Variants in NCSTN observed in about 807,000 individuals in gnomAD.
The protein encoded by NCSTN is nicastrin.
NCSTN carries 22 observed loss-of-function variants against 87.0 expected under a neutral mutation model. That is an observed-to-expected ratio of 0.25 (90% CI 0.18 to 0.36). NCSTN has a LOEUF of 0.36. NCSTN is among the 10% of genes least tolerant of loss of function. The probability of loss-of-function intolerance (pLI) is 1.00; values close to 1 mark genes in which losing one functional copy is unlikely to be tolerated. For missense variants in NCSTN, 693 were observed against 883.3 expected (o/e 0.78, Z 2.73); for synonymous variants, 306 against 327.1 (o/e 0.94, Z 0.69).
chr1:160,350,959 T>C (rs1002861542), intron 5 of NCSTN, among the ~76,000 whole-genome samples: 5 of 152,034 alleles, frequency 3.3e-5, no homozygotes, highest in Admixed American at 6.5e-5. Flanking sequence ...AAGCTTCAAA[T>C]TGGGCCAGGC....
intron 2 of NCSTN, chr1:160,345,172 G>A: frequency 2.7e-6 from 1 of 369,864 alleles, no homozygotes; most frequent in Non-Finnish European, 5.1e-6. Flanking sequence ...GCCAGGATCT[G>A]GTGGCCCGAG....
intron 4 of NCSTN, 54 bp from the exon 5 acceptor site, chr1:160,350,051 T>G: frequency 1.3e-6 from 2 of 1,591,794 alleles, no homozygotes; most frequent in Non-Finnish European, 1.7e-6. Context: ...ACCTGGTTCC[T>G]AAGTACTTGG....
At position 160,353,172 on chromosome 1, in the gene NCSTN, A is replaced by C; in HGVS notation, c.1114A>C (p.Thr372Pro). The stretch of plus-strand genomic sequence containing the variant: ...ATCCTCCCCCCAGGTGGCCTTAAGA[A>C]CTTCATTAGAGCTTTGGATGCACAC... ...FVELGQVALR[T>P]SLELWMHTDP... The change falls in exon 10 of 17, where the codon ACT becomes CCT. Residue 372 changes from threonine (T) to proline (P), a missense_variant. Physicochemically the swap from Thr to Pro is conservative, Grantham distance 38 (BLOSUM62 -1). This residue lies in a region of NCSTN where 108 missense variants were observed against 111.6 expected (regional missense o/e 0.97). Coordinates refer to ENST00000294785, the MANE Select transcript of NCSTN (RefSeq NM_015331.3). 1 of 1,614,078 alleles carries C rather than the reference A, an allele frequency of 6.2e-7. No homozygotes were observed. The highest frequency in any genetic ancestry group is 1.1e-5 in the South Asian group (1 of 91,078).
Position 160,351,310 on chromosome 1 carries a change from T to C in NCSTN, c.671T>C (p.Val224Ala). 6.2e-7 allele frequency: 1 copy of C among 1,614,190 alleles called. No homozygotes were observed. Among genetic ancestry groups the C allele is most frequent in the Non-Finnish European group, 8.5e-7 (1 of 1,180,020 alleles). Residue 224 changes from valine (V) to alanine (A), a missense_variant, in exon 6 of 17, where the codon GTC becomes GCC. Coordinates refer to ENST00000294785, the MANE Select transcript of NCSTN (RefSeq NM_015331.3). Reference sequence around the variant, plus strand: ...CAGCTCTTTTCACACATGCATGCTGTCATCAGCACTGCCACCTGCATGCGG... The same window carrying C: ...CAGCTCTTTTCACACATGCATGCTGCCATCAGCACTGCCACCTGCATGCGG... Reference protein sequence around the residue: ...AMQLFSHMHAVISTATCMRRS... With the variant: ...AMQLFSHMHAAISTATCMRRS...
In NCSTN at chr1:160,353,151, TC is replaced by T. The variant is rs759557582; in HGVS notation, c.1102-3del. On this transcript the variant is annotated splice_polypyrimidine_tract_variant and splice_region_variant and intron_variant, in intron 9 of 16. Transcript: ENST00000294785. ...GATTCTAAGTGTTGTTTCTTCATCC[TC>T]CCCCCAGGTGGCCTTAAGAACTTCA... 5 of 1,613,396 alleles carry T rather than the reference TC, an allele frequency of 3.1e-6. No homozygotes were observed. Among genetic ancestry groups the T allele is most frequent in the Non-Finnish European group, 4.2e-6 (5 of 1,179,532 alleles).
chr1:160,349,044 A>T lies in NCSTN; in HGVS notation c.236A>T (p.Glu79Val), dbSNP rs1401297547. ...DTGVIHVVEK[E>V]EDLQWVLTDG... ...GGGGTTATCCACGTAGTAGAGAAAGAGGAGGACCTACAGTGGGTATTGACT... is the reference window on the plus strand; with the variant it reads ...GGGGTTATCCACGTAGTAGAGAAAGTGGAGGACCTACAGTGGGTATTGACT... Residue 79 changes from glutamate (E) to valine (V), a missense_variant, in exon 3 of 17, where the codon GAG becomes GTG. By Grantham distance (121) the Glu-to-Val change is moderately radical. Transcript: ENST00000294785. 1 of 1,614,214 alleles carries T rather than the reference A, an allele frequency of 6.2e-7. No homozygotes were observed. Among genetic ancestry groups the T allele is most frequent in the South Asian group, 1.1e-5 (1 of 91,090 alleles).
intron 11 of NCSTN, among the ~76,000 whole-genome samples, chr1:160,354,812 G>A (rs1282264561): frequency 6.6e-6 from 1 of 151,998 alleles, no homozygotes; most frequent in Non-Finnish European, 1.5e-5. Context: ...GGTAACTCTG[G>A]GTTACCCTTT....
intron 1 of NCSTN, chr1:160,344,467 C>T (rs1648331457): frequency 1.3e-6 from 2 of 1,482,250 alleles, no homozygotes; most frequent in Non-Finnish European, 1.8e-6. Flanking sequence ...CAAGTTTTCT[C>T]TCTTTTAGTG....
intron 4 of NCSTN, 48 bp downstream of exon 4, chr1:160,349,718 C>T (rs746763724): frequency 1.9e-6 from 3 of 1,609,508 alleles, no homozygotes; most frequent in African/African-American, 2.7e-5. Flanking sequence ...CTAAGGCTCA[C>T]TGTTGCTTCG....
At chr1:160,347,517 A>G (rs1446396484) in intron 2 of NCSTN, among the ~76,000 whole-genome samples, 1 of 152,202 alleles carries the variant, frequency 6.6e-6, no homozygotes, top group African/African-American at 2.4e-5. Context: ...ACTTAAGACT[A>G]CACCATTACT....
In NCSTN at chr1:160,358,204, A is replaced by G. The variant is rs1212972823; in HGVS notation, c.2063A>G (p.Tyr688Cys). The G allele has an allele frequency of 6.2e-7, 1 of 1,613,780 alleles. No individual in the cohort carries two copies. The change falls in exon 17 of 17, where the codon TAC becomes TGC. Residue 688 changes from tyrosine (Y) to cysteine (C), a missense_variant. By Grantham distance (194) the Tyr-to-Cys change is radical. Transcript: ENST00000294785. ...CTCATCTTCTCCCTCATCGTCACCTACTGCATCAATGCCAAAGCTGATGTC... is the reference window on the plus strand; with the variant it reads ...CTCATCTTCTCCCTCATCGTCACCTGCTGCATCAATGCCAAAGCTGATGTC... The part of the protein sequence containing the change: ...GILIFSLIVT[Y>C]CINAKADVLF...
rs1403151007 is a variant in NCSTN, at chr1:160,351,597, T to TA, written c.734-98dup. The TA allele has an allele frequency of 3.1e-6, 4 of 1,305,826 alleles. No individual in the cohort carries two copies. In the East Asian group the frequency reaches 6.9e-5, roughly 23 times the overall value. The allele number at this position is 1,305,826 out of a possible 1,614,324, so 80.9% of individuals were successfully genotyped here. On this transcript the variant is annotated intron_variant, in intron 6 of 16. Coordinates refer to ENST00000294785, the MANE Select transcript of NCSTN (RefSeq NM_015331.3). ...ACTGTTGGAAGTAGAGAAAACGACT[T>TA]AGAGTCCGTGGGGCACTGGTCAGAG...
At chr1:160,356,504 A>G (rs1649136093) in intron 14 of NCSTN, 96 bp from the exon 15 acceptor site, 6 of 1,524,456 alleles carry the variant, frequency 3.9e-6, no homozygotes, top group Non-Finnish European at 5.5e-6. Flanking sequence ...ATCCTTTTCC[A>G]TTGCCCTTCT....
chr1:160,348,845 G>A lies in NCSTN; in HGVS notation c.191-154G>A, dbSNP rs558239456. ...CTCCTGATAACCTTCAGATGGAGCT[G>A]GGGCAACAGCTTTTCAGTTCAAATC... On this transcript the variant is annotated intron_variant, in intron 2 of 16. Coordinates refer to ENST00000294785, the MANE Select transcript of NCSTN (RefSeq NM_015331.3). Among the ~76,000 whole-genome samples the A allele has an allele frequency of 1.1e-4, 17 of 152,298 alleles. No individual in the cohort carries two copies. In the South Asian group the frequency reaches 3.5e-3, roughly 32 times the overall value.
chr1:160,352,959 G>C lies in NCSTN; in HGVS notation c.1069G>C (p.Glu357Gln), dbSNP rs1648942976. 1.9e-6 allele frequency: 3 copies of C among 1,614,086 alleles called. No individual in the cohort carries two copies. The highest frequency in any genetic ancestry group is 2.5e-6 in the Non-Finnish European group (3 of 1,180,032). Reference sequence around the variant, plus strand: ...GAAGGGCAAGTTTCCCGTGCAGTTAGAGAATGTTGACTCATTTGTGGAGCT... The same window carrying C: ...GAAGGGCAAGTTTCCCGTGCAGTTACAGAATGTTGACTCATTTGTGGAGCT... ...MEKGKFPVQL[E>Q]NVDSFVELGQ... Residue 357 changes from glutamate to glutamine, a missense_variant, in exon 9 of 17, where the codon GAG (glutamate) becomes CAG (glutamine). Around this residue, in one of 4 missense-constraint regions of NCSTN, gnomAD observed 134 missense variants for 226.0 expected, o/e 0.59. Coordinates refer to ENST00000294785, the MANE Select transcript of NCSTN (RefSeq NM_015331.3).
In NCSTN at chr1:160,344,813, G is replaced by C. The variant is rs1364710518; in HGVS notation, c.177G>C (p.Gln59His). ...TTCGCCTGCTCAACGCCACTCATCA[G>C]ATTGGCTGCCAGTGTGAGTTGAGAT... The part of the protein sequence containing the change: ...PCVRLLNATH[Q>H]IGCQSSISGD... The change falls in exon 2 of 17, where the codon CAG becomes CAC. Residue 59 changes from glutamine (Q) to histidine (H), a missense_variant. Coordinates refer to ENST00000294785, the MANE Select transcript of NCSTN (RefSeq NM_015331.3). 1 of 1,613,848 alleles carries C rather than the reference G, an allele frequency of 6.2e-7. No individual in the cohort carries two copies. Among genetic ancestry groups the C allele is most frequent in the Non-Finnish European group, 8.5e-7 (1 of 1,179,770 alleles).
intron 2 of NCSTN, among the ~76,000 whole-genome samples, chr1:160,347,611 G>A (rs1469532569): frequency 6.6e-6 from 1 of 151,548 alleles, no homozygotes; most frequent in East Asian, 1.9e-4. Context: ...TTGAAGTTTT[G>A]GGGTGTGTGT....
At chr1:160,343,960 T>TTG (rs1038508017) in intron 1 of NCSTN, 1 of 263,130 alleles carries the variant, frequency 3.8e-6, no homozygotes, top group African/African-American at 2.5e-5. Flanking sequence ...TCAGGTTTTT[T>TTG]TTTTTTTTTT....
In NCSTN at chr1:160,356,645, A is replaced by G. The variant is rs1557889429; in HGVS notation, c.1685A>G (p.Asn562Ser). ...QHYIAVSSPT[N>S]TTYVVQYALA... The stretch of plus-strand genomic sequence containing the variant: ...TACATCGCTGTCTCCAGCCCCACCA[A>G]CACCACTTATGTTGTACAGTATGCC... The change falls in exon 15 of 17, where the codon AAC becomes AGC. Residue 562 changes from asparagine to serine, a missense_variant. Around this residue, in one of 4 missense-constraint regions of NCSTN, gnomAD observed 216 missense variants for 311.7 expected, o/e 0.69. Coordinates refer to ENST00000294785, the MANE Select transcript of NCSTN (RefSeq NM_015331.3). 2 of 1,614,130 alleles carry G rather than the reference A, an allele frequency of 1.2e-6. No homozygotes were observed. The highest frequency in any genetic ancestry group is 1.7e-6 in the Non-Finnish European group (2 of 1,180,016).
Sources: gnomAD v4.1 joint callset for allele counts (sites outside exome capture counted in the v4.1 genomes callset) on GRCh38, gnomAD v4.1.1 for gene constraint, gnomAD v4.1.1 regional missense constraint, MANE v1.5 for transcripts, NCBI Gene and HGNC (gene_info 2026-07-23, HGNC 2026-07-21) for gene names.